The following PRKCSH variants were observed in gnomAD, a reference collection of about 807,000 sequenced individuals.
PRKCSH encodes the protein PRKCSH beta subunit of glucosidase II.
In PRKCSH, 42 loss-of-function variants were observed where a neutral mutation model predicts 79.7. The observed-to-expected ratio is 0.53, with a 90% CI of 0.41 to 0.68. The LOEUF is 0.68. Ranked by LOEUF, PRKCSH falls within the 30% of genes least tolerant of loss-of-function variation. The pLI, the probability that PRKCSH is intolerant of heterozygous loss-of-function variation, is 0.00. For synonymous variants in PRKCSH, 325 were observed against 288.2 expected (o/e 1.13, Z -1.29); for missense variants, 686 against 709.0 (o/e 0.97, Z 0.37).
rs1449330202 is a variant in PRKCSH, at chr19:11,449,416, G to A, written c.*4G>A. The A allele has an allele frequency of 2.5e-6, 4 of 1,612,944 alleles. No individual in the cohort carries two copies. In the African/African-American group the frequency reaches 5.3e-5, roughly 22 times the overall value. ...AGACGACCATGACGAGCTCTAGCTG[G>A]ATGGGCGCAGAGGTGGGCGGGGAGG... On this transcript the variant is annotated 3_prime_UTR_variant, in exon 17 of 18. Transcript: ENST00000677123. This position sits in a 1 kb window ranked among gnomAD's most constrained non-coding sequence, Gnocchi z 6.4.
Position 11,448,356 on chromosome 19 carries a change from C to G in PRKCSH, c.1196+65C>G, listed in dbSNP as rs913890704. On this transcript the variant is annotated intron_variant, in intron 13 of 17. Coordinates refer to ENST00000677123, the MANE Select transcript of PRKCSH (RefSeq NM_001289104.2). This position sits in a 1 kb window ranked among gnomAD's most constrained non-coding sequence, Gnocchi z 4.4. The stretch of plus-strand genomic sequence containing the variant: ...GACTGCTCCTTGACTCCCAGGGGAG[C>G]TGGTGATGGGGAATCACTGAGGCAA... 6 of 1,541,288 alleles carry G rather than the reference C, an allele frequency of 3.9e-6. No individual in the cohort carries two copies. Among genetic ancestry groups the G allele is most frequent in the Non-Finnish European group, 5.3e-6 (6 of 1,136,382 alleles).
Position 11,436,551 on chromosome 19 carries a change from C to T in PRKCSH, c.196+46C>T, listed in dbSNP as rs769668184. 8.4e-6 allele frequency: 12 copies of T among 1,433,084 alleles called. No individual in the cohort carries two copies. In the East Asian group the frequency reaches 2.6e-4, roughly 31 times the overall value. The allele number at this position is 1,433,084 out of a possible 1,614,324, so 88.8% of individuals were successfully genotyped here. A position where few individuals can be genotyped will look rare whatever the true frequency, so the allele number is the denominator to read the frequency against. On this transcript the variant is annotated intron_variant, in intron 3 of 17. Transcript: ENST00000677123. Reference sequence around the variant, plus strand: ...TCCATCAGATGTTTATTGAACACTGCTCAGTGCCAGGCCCTGTCTGTGTGA... The same window carrying T: ...TCCATCAGATGTTTATTGAACACTGTTCAGTGCCAGGCCCTGTCTGTGTGA...
chr19:11,449,271 C>G lies in PRKCSH; in HGVS notation c.1467C>G (p.Arg489=). The G allele has an allele frequency of 6.2e-7, 1 of 1,613,738 alleles. No homozygotes were observed. The highest frequency in any genetic ancestry group is 8.5e-7 in the Non-Finnish European group (1 of 1,179,956). ...ACCCGTCTGCCCATCCCCAGGTGCGCCTCCTGTGCGGGAAAGAGACCATGG... is the reference window on the plus strand; with the variant it reads ...ACCCGTCTGCCCATCCCCAGGTGCGGCTCCTGTGCGGGAAAGAGACCATGG... ...WQGPNRSTTV[R]LLCGKETMVT... The change falls in exon 17 of 18, where the codon CGC becomes CGG. Residue 489 remains arginine (R), a synonymous_variant. Coordinates refer to ENST00000677123, the MANE Select transcript of PRKCSH (RefSeq NM_001289104.2). The surrounding 1 kb of genome is among the most constrained non-coding windows in gnomAD (Gnocchi z 6.4).
intron 9 of PRKCSH, 39 bp downstream of exon 9, chr19:11,446,389 G>C (rs1189282242): frequency 6.3e-7 from 1 of 1,596,460 alleles, no homozygotes; most frequent in Admixed American, 1.7e-5. Context: ...CTTCTAGGGA[G>C]CATTGCCCCA....
At chr19:11,445,316 C>CGTTT in intron 7 of PRKCSH, 73 bp from the exon 8 acceptor site, 2 of 1,486,208 alleles carry the variant, frequency 1.3e-6, no homozygotes. Flanking sequence ...TGGTGGCAAA[C>CGTTT]GACCCTGTGG....
At chr19:11,444,611 C>G (rs1970209407) in intron 7 of PRKCSH, among the ~76,000 whole-genome samples, 1 of 152,160 alleles carries the variant, frequency 6.6e-6, no homozygotes, top group Non-Finnish European at 1.5e-5. Context: ...GGAACTGAAT[C>G]CTGGTATACA....
In PRKCSH at chr19:11,447,107, A is replaced by G. The variant is rs1404229629; in HGVS notation, c.796A>G (p.Thr266Ala). The G allele has an allele frequency of 6.2e-7, 1 of 1,613,598 alleles. No individual in the cohort carries two copies. The highest frequency in any genetic ancestry group is 2.2e-5 in the East Asian group (1 of 44,832). ...CAGTGGGGACACACAGACAGACGCCACCTCTTTCTACGACCGCGTCTGGGC... is the reference window on the plus strand; with the variant it reads ...CAGTGGGGACACACAGACAGACGCCGCCTCTTTCTACGACCGCGTCTGGGC... ...LLSGDTQTDA[T>A]SFYDRVWAAI... Residue 266 changes from threonine (T) to alanine (A), a missense_variant, in exon 10 of 18, where the codon ACC becomes GCC. Coordinates refer to ENST00000677123, the MANE Select transcript of PRKCSH (RefSeq NM_001289104.2). This position sits in a 1 kb window ranked among gnomAD's most constrained non-coding sequence, Gnocchi z 5.6.
intron 9 of PRKCSH, among the ~76,000 whole-genome samples, 161 bp from the exon 10 acceptor site, chr19:11,446,913 C>T (rs1970331809): frequency 1.3e-5 from 2 of 152,202 alleles, no homozygotes; most frequent in African/African-American, 4.8e-5. Flanking sequence ...GCCTGTGCTG[C>T]CCCCTCCTGG....
In PRKCSH at chr19:11,447,818, G is replaced by A. The variant is rs375346171; in HGVS notation, c.1126+29G>A. 15 of 1,536,222 alleles carry A rather than the reference G, an allele frequency of 9.8e-6. No homozygotes were observed. The highest frequency in any genetic ancestry group is 7.3e-5 in the South Asian group (6 of 81,660). ...AGGGTGGGCGGGGGCCAGGCTCCTC[G>A]GGTGGGCCCAGCGTTTCCTGCCGTG... On this transcript the variant is annotated intron_variant, in intron 12 of 17. Coordinates refer to ENST00000677123, the MANE Select transcript of PRKCSH (RefSeq NM_001289104.2). The surrounding 1 kb of genome is among the most constrained non-coding windows in gnomAD (Gnocchi z 5.6).
rs1397015529 is a variant in PRKCSH at position 11,447,577 on chromosome 19, G to T, written c.988G>T (p.Glu330Ter). The change falls in exon 11 of 18, where the codon GAG (glutamate) becomes TAG (stop). Residue 330 changes from glutamate (E) to a stop codon, truncating the protein, a stop_gained. Coordinates refer to ENST00000677123, the MANE Select transcript of PRKCSH (RefSeq NM_001289104.2). LOFTEE classifies it high-confidence loss of function. This position sits in a 1 kb window ranked among gnomAD's most constrained non-coding sequence, Gnocchi z 5.6. ...EEEEEEAEEE[E>*]EEEDSEVQGE... ...GGAGGAAGAAGAGGCTGAAGAAGAG[G>T]AGGAGGAGGAGGATTCCGAGGTGCA... The T allele has an allele frequency of 2.5e-6, 4 of 1,598,338 alleles. No homozygotes were observed. Among genetic ancestry groups the T allele is most frequent in the Non-Finnish European group, 3.4e-6 (4 of 1,172,754 alleles).
In PRKCSH at chr19:11,447,461, C is replaced by T; in HGVS notation, c.872C>T (p.Ala291Val). ...RSEALPTDLP[A>V]PSAPDLTEPK... ...CAGGCACTGCCCACCGACCTTCCAG[C>T]ACCTTCTGCCCCTGACTTGACGGAG... Residue 291 changes from alanine (A) to valine (V), a missense_variant, in exon 11 of 18, where the codon GCA (alanine) becomes GTA (valine). Physicochemically the swap from Ala to Val is moderately conservative, Grantham distance 64. Coordinates refer to ENST00000677123, the MANE Select transcript of PRKCSH (RefSeq NM_001289104.2). The surrounding 1 kb of genome is among the most constrained non-coding windows in gnomAD (Gnocchi z 5.6). The T allele has an allele frequency of 6.2e-7, 1 of 1,614,038 alleles. No individual in the cohort carries two copies. The highest frequency in any genetic ancestry group is 8.5e-7 in the Non-Finnish European group (1 of 1,180,038).
Position 11,448,346 on chromosome 19 carries a change from C to G in PRKCSH, c.1196+55C>G, listed in dbSNP as rs1205997899. 1.0e-5 allele frequency: 16 copies of G among 1,541,480 alleles called. No individual in the cohort carries two copies. In the Admixed American group the frequency reaches 3.1e-4, roughly 30 times the overall value. ...GTCCCACAGCGACTGCTCCTTGACT[C>G]CCAGGGGAGCTGGTGATGGGGAATC... is the stretch of plus-strand genomic sequence containing the variant. On this transcript the variant is annotated intron_variant, in intron 13 of 17. Coordinates refer to ENST00000677123, the MANE Select transcript of PRKCSH (RefSeq NM_001289104.2). The surrounding 1 kb of genome is among the most constrained non-coding windows in gnomAD (Gnocchi z 4.4).
Position 11,447,223 on chromosome 19 carries a change from A to AT in PRKCSH, c.849+63_849+64insT. 1 of 1,567,768 alleles carries AT rather than the reference A, an allele frequency of 6.4e-7. No individual in the cohort carries two copies. The highest frequency in any genetic ancestry group is 8.7e-7 in the Non-Finnish European group (1 of 1,144,244). Reference sequence around the variant, plus strand: ...CCACACTGCCCCCACCCCGCCTCACAAAGGAGCTGCCTCTGGTTCTGGCAC... The same window carrying AT: ...CCACACTGCCCCCACCCCGCCTCACATAAGGAGCTGCCTCTGGTTCTGGCAC... On this transcript the variant is annotated intron_variant, in intron 10 of 17. Transcript: ENST00000677123. This position sits in a 1 kb window ranked among gnomAD's most constrained non-coding sequence, Gnocchi z 5.6.
Position 11,447,298 on chromosome 19 carries a change from C to G in PRKCSH, c.849+138C>G. 1.5e-6 allele frequency: 2 copies of G among 1,335,126 alleles called. No individual in the cohort carries two copies. Among genetic ancestry groups the G allele is most frequent in the South Asian group, 1.2e-5 (1 of 80,580 alleles). 82.7% of individuals were successfully genotyped at this position (1,335,126 alleles called of 1,614,324 possible). Reference sequence around the variant, plus strand: ...GCCCCAGCACCCCCCACCGAGACCCCCCGACCCCAGCTGTCGGTCCTCCCT... The same window carrying G: ...GCCCCAGCACCCCCCACCGAGACCCGCCGACCCCAGCTGTCGGTCCTCCCT... On this transcript the variant is annotated intron_variant, in intron 10 of 17. Coordinates refer to ENST00000677123, the MANE Select transcript of PRKCSH (RefSeq NM_001289104.2). The surrounding 1 kb of genome is among the most constrained non-coding windows in gnomAD (Gnocchi z 5.6).
At chr19:11,442,264 CA>C in intron 6 of PRKCSH, 121 bp from the exon 7 acceptor site, 1 of 1,412,434 alleles carries the variant, frequency 7.1e-7, no homozygotes, top group East Asian at 2.7e-5. Context: ...GAGAGAGACC[CA>C]GCTTGGTGTG....
chr19:11,448,430 G>A lies in PRKCSH; in HGVS notation c.1197-110G>A, dbSNP rs192445466. 6 of 1,454,618 alleles carry A rather than the reference G, an allele frequency of 4.1e-6. No homozygotes were observed. The African/African-American group carries it at 5.6e-5, about 13-fold the overall frequency. 90.1% of individuals were successfully genotyped at this position (1,454,618 alleles called of 1,614,324 possible). A position where few individuals can be genotyped will look rare whatever the true frequency, so the allele number is the denominator to read the frequency against. On this transcript the variant is annotated intron_variant, in intron 13 of 17. Coordinates refer to ENST00000677123, the MANE Select transcript of PRKCSH (RefSeq NM_001289104.2). The surrounding 1 kb of genome is among the most constrained non-coding windows in gnomAD (Gnocchi z 4.4). ...CAGGGAGGGTCCCTGGGAGGTGGCA[G>A]GGAGGACAGCCTGGGCACCATTGCT...
intron 9 of PRKCSH, 140 bp downstream of exon 9, chr19:11,446,490 A>G (rs1403044040): frequency 5.8e-6 from 6 of 1,029,910 alleles, no homozygotes; most frequent in African/African-American, 4.8e-5. Context: ...GCAGCCACTC[A>G]GGGCCGCTTC....
chr19:11,445,542 C>T, intron 8 of PRKCSH, 69 bp downstream of exon 8: 5 of 1,479,622 alleles, frequency 3.4e-6, no homozygotes, highest in South Asian at 2.3e-5. Flanking sequence ...CCACCCTCGC[C>T]TCTAGAAACC....
rs754954742 is a variant in PRKCSH, at chr19:11,435,673, G to C, written c.-111G>C. The stretch of plus-strand genomic sequence containing the variant: ...GAACCGCGGCTGCTGGACAAGAGGG[G>C]TGCGGTGGATACTGACCTTTGCTCC... On this transcript the variant is annotated 5_prime_UTR_variant, in exon 1 of 18. Transcript: ENST00000677123. The C allele has an allele frequency of 1.7e-5, 22 of 1,302,096 alleles. No homozygotes were observed. The South Asian group carries it at 2.6e-4, about 15-fold the overall frequency. 80.7% of individuals were successfully genotyped at this position (1,302,096 alleles called of 1,614,324 possible).
Sources: gnomAD v4.1 joint callset for allele counts (sites outside exome capture counted in the v4.1 genomes callset) on GRCh38, gnomAD v4.1.1 for gene constraint, Gnocchi (gnomAD v3.1) non-coding constraint, MANE v1.5 for transcripts, NCBI Gene and HGNC (gene_info 2026-07-23, HGNC 2026-07-21) for gene names.